SLC9A9: variants seen among roughly 807,000 people sequenced by gnomAD.
SLC9A9 encodes solute carrier family 9 member A9.
Under a neutral mutation model 77.8 loss-of-function variants are expected in SLC9A9, and 62 were observed. The observed-to-expected ratio is 0.80, with a 90% CI of 0.65 to 0.98. The LOEUF (loss-of-function observed/expected upper bound fraction) is 0.98, where lower values mean the gene tolerates loss of function less well. SLC9A9 is among the 50% of genes least tolerant of loss of function. SLC9A9 has a pLI of 0.00. For missense variants in SLC9A9, 775 were observed against 774.9 expected (o/e 1.00, Z 0.00); for synonymous variants, 320 against 283.5 (o/e 1.13, Z -1.29).
At chr3:143,445,223 C>A (rs1284965726) in intron 12 of SLC9A9, among the ~76,000 whole-genome samples, 1 of 152,164 alleles carries the variant, frequency 6.6e-6, no homozygotes, top group Non-Finnish European at 1.5e-5. Flanking sequence ...TTTTTGACAC[C>A]TTAGATTTCT....
chr3:143,322,875 T>C (rs552583204), intron 14 of SLC9A9, among the ~76,000 whole-genome samples: 15 of 152,206 alleles, frequency 9.9e-5, no homozygotes, highest in Middle Eastern at 3.4e-3. Context: ...AGAACTAACA[T>C]TGGGGAAAAG....
chr3:143,450,128 T>C (rs1307008103), intron 12 of SLC9A9, among the ~76,000 whole-genome samples: 1 of 127,188 alleles, frequency 7.9e-6, no homozygotes, highest in South Asian at 2.2e-4. Context: ...TATATTATAA[T>C]ATATAAATAT....
chr3:143,821,261 G>T (rs1384265129), intron 2 of SLC9A9, among the ~76,000 whole-genome samples: 1 of 152,206 alleles, frequency 6.6e-6, no homozygotes, highest in African/African-American at 2.4e-5. Flanking sequence ...TGCCCATTAA[G>T]GGCAGATGTT....
chr3:143,291,884 C>T (rs915972753), intron 14 of SLC9A9, among the ~76,000 whole-genome samples: 5 of 152,342 alleles, frequency 3.3e-5, no homozygotes, highest in African/African-American at 9.6e-5. Context: ...GGAAATGCCA[C>T]AGTGAAATTT....
chr3:143,823,712 G>T (rs956875697), intron 2 of SLC9A9, among the ~76,000 whole-genome samples: 1 of 151,406 alleles, frequency 6.6e-6, no homozygotes, highest in Non-Finnish European at 1.5e-5. Flanking sequence ...TTTCAGAAAA[G>T]AGTGGAATTT....
intron 5 of SLC9A9, among the ~76,000 whole-genome samples, chr3:143,654,824 G>A (rs2038861212): frequency 6.6e-6 from 1 of 152,070 alleles, no homozygotes; most frequent in Non-Finnish European, 1.5e-5. Flanking sequence ...CACTTATGGA[G>A]CCCCTCTGCC....
intron 9 of SLC9A9, among the ~76,000 whole-genome samples, chr3:143,547,331 T>C (rs2036806938): frequency 6.6e-6 from 1 of 152,178 alleles, no homozygotes; most frequent in Non-Finnish European, 1.5e-5. Flanking sequence ...TAGACCTCTC[T>C]TCTGAGCTCC....
chr3:143,484,511 A>G (rs569516310), intron 11 of SLC9A9, among the ~76,000 whole-genome samples: 24 of 152,300 alleles, frequency 1.6e-4, no homozygotes, highest in Middle Eastern at 6.8e-3. Flanking sequence ...GCGTGTGATG[A>G]CCTCACCTGA....
intron 12 of SLC9A9, among the ~76,000 whole-genome samples, chr3:143,407,366 T>C (rs145367335): frequency 1.3e-5 from 2 of 152,346 alleles, no homozygotes; most frequent in African/African-American, 4.8e-5. Context: ...TAGGCTATGA[T>C]ACTGCAGCTG....
intron 6 of SLC9A9, among the ~76,000 whole-genome samples, chr3:143,618,586 C>T (rs1437341932): frequency 1.3e-5 from 2 of 152,110 alleles, no homozygotes; most frequent in Non-Finnish European, 2.9e-5. Flanking sequence ...AAAGGTGGTT[C>T]CTGCTGGTGA....
chr3:143,521,319 G>T (rs1468840997), intron 9 of SLC9A9, among the ~76,000 whole-genome samples: 1 of 152,124 alleles, frequency 6.6e-6, no homozygotes, highest in Non-Finnish European at 1.5e-5. Flanking sequence ...ACTCAAAGGG[G>T]CCTGAAGGGG....
intron 4 of SLC9A9, among the ~76,000 whole-genome samples, chr3:143,749,158 T>C (rs1419573251): frequency 6.6e-6 from 1 of 152,236 alleles, no homozygotes; most frequent in Non-Finnish European, 1.5e-5. Flanking sequence ...ATTTGCATAA[T>C]ATTTTAAATT....
At chr3:143,318,611 AT>A (rs1300884792) in intron 14 of SLC9A9, among the ~76,000 whole-genome samples, 1 of 152,126 alleles carries the variant, frequency 6.6e-6, no homozygotes, top group African/African-American at 2.4e-5. Flanking sequence ...TCTGTCACAA[AT>A]GGCTGCTATT....
chr3:143,533,493 G>T (rs2036546566), intron 9 of SLC9A9, among the ~76,000 whole-genome samples: 1 of 152,084 alleles, frequency 6.6e-6, no homozygotes, highest in Non-Finnish European at 1.5e-5. Context: ...AAAAGATGAA[G>T]ACACAAAAAT....
intron 14 of SLC9A9, among the ~76,000 whole-genome samples, chr3:143,329,931 T>C (rs912075525): frequency 6.6e-6 from 1 of 152,186 alleles, no homozygotes; most frequent in African/African-American, 2.4e-5. Flanking sequence ...TGACTTGTAT[T>C]TTTTTCTCCA....
chr3:143,648,861 C>T (rs898175651), intron 6 of SLC9A9, among the ~76,000 whole-genome samples: 2 of 152,150 alleles, frequency 1.3e-5, no homozygotes, highest in Non-Finnish European at 1.5e-5. Flanking sequence ...TTCGTCAAAT[C>T]TCCCGAAGAG....
intron 4 of SLC9A9, among the ~76,000 whole-genome samples, chr3:143,785,849 T>TC (rs1488517926): frequency 6.6e-5 from 2 of 30,148 alleles, no homozygotes; most frequent in Non-Finnish European, 9.4e-5. Context: ...ATTTTTCTTT[T>TC]TTTTTTTTTT....
chr3:143,625,345 T>C (rs1315962809), intron 6 of SLC9A9, among the ~76,000 whole-genome samples: 12 of 152,148 alleles, frequency 7.9e-5, no homozygotes, highest in Non-Finnish European at 5.9e-5. Flanking sequence ...GGAGGCATCA[T>C]GCTACCTGAC....
intron 1 of SLC9A9, among the ~76,000 whole-genome samples, chr3:143,834,256 C>T (rs1299246121): frequency 6.6e-6 from 1 of 152,136 alleles, no homozygotes; most frequent in East Asian, 1.9e-4. Context: ...GTGCTTGATC[C>T]ACCACAGCAC....
Sources: allele counts gnomAD v4.1 joint callset (sites outside exome capture counted in the v4.1 genomes callset), GRCh38; gene constraint gnomAD v4.1.1; transcripts MANE v1.5; gene names NCBI Gene and HGNC (gene_info 2026-07-23, HGNC 2026-07-21).